Variants in TOP1MT observed in about 807,000 individuals in gnomAD.
The protein encoded by TOP1MT is DNA topoisomerase I, mitochondrial.
TOP1MT carries 80 observed loss-of-function variants against 73.9 expected under a neutral mutation model. The observed-to-expected ratio is 1.08, with a 90% CI of 0.90 to 1.30. The LOEUF (loss-of-function observed/expected upper bound fraction) is 1.30. Among genes scored for constraint, TOP1MT ranks in the 50% most tolerant of loss-of-function variants. TOP1MT has a pLI of 0.00. For synonymous variants in TOP1MT, 338 were observed against 326.4 expected (o/e 1.04, Z -0.38); for missense variants, 815 against 808.0 (o/e 1.01, Z -0.10).
chr8:143,358,921 G>A (rs1817457509), upstream of TOP1MT, among the ~76,000 whole-genome samples: 1 of 152,186 alleles, frequency 6.6e-6, no homozygotes, highest in Non-Finnish European at 1.5e-5. Flanking sequence ...TCCATTAGCC[G>A]GTCTGGAGCA....
chr8:143,333,012 G>A (rs1396371731), intron 1 of TOP1MT, among the ~76,000 whole-genome samples: 1 of 152,232 alleles, frequency 6.6e-6, no homozygotes, highest in Non-Finnish European at 1.5e-5. Context: ...CCCTGATACA[G>A]CATGTCTAGG....
upstream of TOP1MT, among the ~76,000 whole-genome samples, chr8:143,346,953 C>CTTTATTTA (rs61391831): frequency 0.041 from 5,768 of 140,876 alleles, 131 homozygotes; most frequent in South Asian, 0.054. Context: ...AGCCTCACTT[C>CTTTATTTA]TTTATTTATT....
rs560985590 is a variant in TOP1MT at position 143,352,819 on chromosome 8, C to T, written c.-39+3146G>A. On this transcript the variant is annotated intron_variant, in intron 1 of 5. Transcript: ENST00000518760. ...TTTAAATTTTTCGTCAAGTCACAGC[C>T]TCACTTCAAAGCCAAGCCTGGTCTC... is the stretch of plus-strand genomic sequence containing the variant. Among the ~76,000 whole-genome samples, 36 of 152,304 alleles carry T rather than the reference C, an allele frequency of 2.4e-4. 1 individual carries two copies. The South Asian group carries it at 6.4e-3, about 27-fold the overall frequency.
At chr8:143,321,423 GCACACGCACGCCACACACACGCACGC>G in intron 7 of TOP1MT, 37 bp from the exon 8 acceptor site, 1 of 1,500,254 alleles carries the variant, frequency 6.7e-7, no homozygotes, top group African/African-American at 1.4e-5. Context: ...GGTGGTGCGT[GCACACGCACGCCACACACACGCACGC>G]CACACACACG....
At chr8:143,321,783 CCA>C (rs1170726668) in intron 7 of TOP1MT, among the ~76,000 whole-genome samples, 2,346 of 81,616 alleles carry the variant, frequency 0.029, 203 homozygotes, top group African/African-American at 0.037. Flanking sequence ...CACACGCACG[CCA>C]CACACGCACG....
chr8:143,339,652 G>C (rs1817040067), upstream of TOP1MT, among the ~76,000 whole-genome samples: 1 of 152,142 alleles, frequency 6.6e-6, no homozygotes, highest in Non-Finnish European at 1.5e-5. Flanking sequence ...ACCTACAGTG[G>C]GCAGGCAAAG....
Position 143,325,513 on chromosome 8 carries a change from T to C in TOP1MT, c.504A>G (p.Glu168=). 6.2e-7 allele frequency: 1 copy of C among 1,609,656 alleles called. No individual in the cohort carries two copies. The highest frequency in any genetic ancestry group is 2.2e-5 in the East Asian group (1 of 44,724). Reference sequence around the variant, plus strand: ...AGTAGCCGAACTCTTGCTGAAGTTTTTCTGCCTCTTCTTTTAGCTTCTGAG... The same window carrying C: ...AGTAGCCGAACTCTTGCTGAAGTTTCTCTGCCTCTTCTTTTAGCTTCTGAG... The part of the protein sequence containing the change: ...EEKQKLKEEA[E]KLQQEFGYCI... The change falls in exon 5 of 14, where the codon GAA becomes GAG. Residue 168 remains glutamate (E), a synonymous_variant. Transcript: ENST00000329245.
chr8:143,323,854 CGT>C (rs1341429007), intron 7 of TOP1MT, 143 bp downstream of exon 7: 32 of 839,978 alleles, frequency 3.8e-5, no homozygotes, highest in Non-Finnish European at 5.3e-5. Context: ...CACCCACACA[CGT>C]GTGCACATGC....
intron 2 of TOP1MT, among the ~76,000 whole-genome samples, chr8:143,329,828 A>G (rs2130296360): frequency 6.6e-6 from 1 of 152,370 alleles, no homozygotes; most frequent in South Asian, 2.1e-4. Flanking sequence ...AAGTAAAATA[A>G]AAGTTAAGGC....
intron 1 of TOP1MT, among the ~76,000 whole-genome samples, chr8:143,354,698 G>A (rs1817378195): frequency 6.7e-6 from 1 of 149,656 alleles, no homozygotes; most frequent in African/African-American, 2.5e-5. Flanking sequence ...GGCAGCAAGA[G>A]TGAAACTCCA....
At chr8:143,335,338 C>A (rs1359906061), upstream of TOP1MT, among the ~76,000 whole-genome samples, 1 of 152,234 alleles carries the variant, frequency 6.6e-6, no homozygotes, top group East Asian at 1.9e-4. Flanking sequence ...AACAGCAGCA[C>A]TTCCAGGACG....
upstream of TOP1MT, among the ~76,000 whole-genome samples, chr8:143,337,202 G>A (rs775904508): frequency 2.6e-5 from 4 of 152,096 alleles, no homozygotes; most frequent in Non-Finnish European, 4.4e-5. Flanking sequence ...CGAGACGGGC[G>A]GATCACGAGG....
chr8:143,359,481 C>T, upstream of TOP1MT: 1 of 969,520 alleles, frequency 1.0e-6, no homozygotes, highest in Non-Finnish European at 1.2e-6. Flanking sequence ...CAGACCGGCA[C>T]CGCTGGCCAG....
chr8:143,350,552 G>T (rs1003674018), intron 1 of TOP1MT, among the ~76,000 whole-genome samples: 1 of 152,072 alleles, frequency 6.6e-6, no homozygotes, highest in Admixed American at 6.5e-5. Context: ...GGCTGGCCTC[G>T]AACTCCTGAC....
intron 1 of TOP1MT, chr8:143,331,664 C>A (rs759235797): frequency 8.5e-5 from 21 of 246,536 alleles, no homozygotes; most frequent in Non-Finnish European, 1.5e-4. Context: ...GGGCCTCTCC[C>A]CAGATGGGTC....
intron 10 of TOP1MT, 77 bp from the exon 11 acceptor site, chr8:143,316,203 G>T: frequency 6.3e-7 from 1 of 1,599,694 alleles, no homozygotes; most frequent in Non-Finnish European, 8.5e-7. Flanking sequence ...CGGCCTTAAC[G>T]CGCCACACAG....
chr8:143,331,444 G>A, intron 1 of TOP1MT, 105 bp from the exon 2 acceptor site: 1 of 919,268 alleles, frequency 1.1e-6, no homozygotes, highest in African/African-American at 1.6e-5. Context: ...CAGGTGAGCA[G>A]TGTGGCCTCC....
intron 12 of TOP1MT, 99 bp from the exon 13 acceptor site, chr8:143,310,316 G>A (rs1036577463): frequency 6.7e-6 from 6 of 895,572 alleles, no homozygotes; most frequent in African/African-American, 3.3e-5. Context: ...TCCCAGTGCA[G>A]CCCTGTCCCT....
chr8:143,334,717 G>A (rs1181279304), intron 1 of TOP1MT, 23 bp downstream of exon 1: 4 of 1,597,924 alleles, frequency 2.5e-6, no homozygotes, highest in East Asian at 2.4e-5. Flanking sequence ...GGCCCTCGCC[G>A]CCTGCTCACT....
Sources: allele counts gnomAD v4.1 joint callset (sites outside exome capture counted in the v4.1 genomes callset), GRCh38; gene constraint gnomAD v4.1.1; transcripts MANE v1.5; gene names NCBI Gene and HGNC (gene_info 2026-07-23, HGNC 2026-07-21).